The following ANKH variants were observed in gnomAD, a reference collection of about 807,000 sequenced individuals.
ANKH encodes the protein mineralization regulator ANKH.
A neutral mutation model predicts 49.0 loss-of-function variants in ANKH; 15 were observed. The ratio of observed to expected loss-of-function variants is 0.31; its 90% CI spans 0.20 to 0.47. The LOEUF is 0.47. ANKH is among the 20% of genes least tolerant of loss of function. The pLI, the probability that ANKH is intolerant of heterozygous loss-of-function variation, is 1.00. For missense variants in ANKH, 429 were observed against 652.0 expected, an observed-to-expected ratio of 0.66 and a Z score of 3.72; for synonymous variants, 273 against 260.0, an observed-to-expected ratio of 1.05 and a Z score of -0.48.
intron 1 of ANKH, among the ~76,000 whole-genome samples, chr5:14,860,901 G>C (rs957878790): frequency 6.6e-6 from 1 of 152,012 alleles, no homozygotes; most frequent in Non-Finnish European, 1.5e-5. Flanking sequence ...TCCTGCCTCA[G>C]CCTCCCAAGT....
At chr5:14,734,912 A>G (rs1176679818) in intron 8 of ANKH, among the ~76,000 whole-genome samples, 1 of 152,262 alleles carries the variant, frequency 6.6e-6, no homozygotes, top group East Asian at 1.9e-4. Flanking sequence ...GTGAAGAAAT[A>G]CAAATGAATA....
At chr5:14,806,911 C>T (rs412056) in intron 1 of ANKH, among the ~76,000 whole-genome samples, 73,738 of 152,028 alleles carry the variant, frequency 0.49, 18,182 homozygotes, top group East Asian at 0.76. Flanking sequence ...ATGAATTATC[C>T]ACATTCTGAA....
intron 1 of ANKH, chr5:14,798,444 G>A: frequency 6.7e-7 from 1 of 1,484,500 alleles, no homozygotes; most frequent in Non-Finnish European, 9.1e-7. Context: ...GAGCGTTGTG[G>A]GAGGGGCAGG....
At chr5:14,723,521 C>A (rs867787138) in intron 8 of ANKH, among the ~76,000 whole-genome samples, 5 of 152,022 alleles carry the variant, frequency 3.3e-5, no homozygotes, top group African/African-American at 1.2e-4. Flanking sequence ...TACCCTTAAT[C>A]CCAGCTACTT....
chr5:14,850,880 T>TC (rs539898289), intron 1 of ANKH, among the ~76,000 whole-genome samples: 167 of 152,288 alleles, frequency 1.1e-3, no homozygotes, highest in Middle Eastern at 3.4e-3. Context: ...GTTTTTTTTT[T>TC]TCTCCTGATG....
intron 1 of ANKH, chr5:14,787,984 T>C (rs1740034593): frequency 6.6e-6 from 1 of 152,208 alleles, no homozygotes. Flanking sequence ...CTTCCCTTTT[T>C]TGGACTTCAG....
chr5:14,717,315 G>A (rs777458439), intron 8 of ANKH, among the ~76,000 whole-genome samples: 1 of 152,244 alleles, frequency 6.6e-6, no homozygotes, highest in Non-Finnish European at 1.5e-5. Flanking sequence ...AGTATTTAGA[G>A]TAAGGATCAG....
chr5:14,721,486 T>C (rs531253048), intron 8 of ANKH, among the ~76,000 whole-genome samples: 2 of 152,356 alleles, frequency 1.3e-5, no homozygotes, highest in Non-Finnish European at 2.9e-5. Flanking sequence ...AGTCTCCTTT[T>C]TCTTCCTCCC....
At position 14,707,799 on chromosome 5, in the gene ANKH, C is replaced by G. The variant is rs536142116; in HGVS notation, c.*3398G>C. ...TTCAGTTTCTTAGGGAATCGGCTAT[C>G]CAGGACATTTCCAAGCCAAACTACC... On this transcript the variant is annotated 3_prime_UTR_variant, in exon 12 of 12. Coordinates refer to ENST00000284268, the MANE Select transcript of ANKH (RefSeq NM_054027.6). The G allele has an allele frequency of 2.6e-5, 4 of 152,284 alleles. No individual in the cohort carries two copies. Among genetic ancestry groups the G allele is most frequent in the Non-Finnish European group, 5.9e-5 (4 of 68,016 alleles). 9.4% of individuals were successfully genotyped at this position (152,284 alleles called of 1,614,324 possible).
intron 1 of ANKH, among the ~76,000 whole-genome samples, chr5:14,772,486 A>G (rs984144098): frequency 6.6e-6 from 1 of 152,174 alleles, no homozygotes; most frequent in African/African-American, 2.4e-5. Flanking sequence ...TTCCACTAAT[A>G]ACGGTGAAAA....
At position 14,755,849 on chromosome 5, in the gene ANKH, G is replaced by T; in HGVS notation, c.516+12C>A. 1 of 1,612,822 alleles carries T rather than the reference G, an allele frequency of 6.2e-7. No individual in the cohort carries two copies. The highest frequency in any genetic ancestry group is 1.1e-5 in the South Asian group (1 of 91,038). ...TCTGAGGAGCTCTGATTGACACACAGACCATATTTACCTGAGCTATGACAT... is the reference window on the plus strand; with the variant it reads ...TCTGAGGAGCTCTGATTGACACACATACCATATTTACCTGAGCTATGACAT... On this transcript the variant is annotated intron_variant, in intron 4 of 11. Transcript: ENST00000284268.
At chr5:14,824,149 C>A (rs1741274701) in intron 1 of ANKH, among the ~76,000 whole-genome samples, 1 of 152,052 alleles carries the variant, frequency 6.6e-6, no homozygotes, top group Non-Finnish European at 1.5e-5. Flanking sequence ...CCAGCAGGGC[C>A]ATCCTTCCTT....
At chr5:14,761,652 G>A (rs1462903560) in intron 2 of ANKH, among the ~76,000 whole-genome samples, 4 of 152,070 alleles carry the variant, frequency 2.6e-5, no homozygotes, top group Non-Finnish European at 5.9e-5. Context: ...CTGATGCCAA[G>A]TAGCCATAAA....
intron 1 of ANKH, among the ~76,000 whole-genome samples, chr5:14,808,013 G>T (rs544712180): frequency 6.6e-6 from 1 of 152,300 alleles, no homozygotes; most frequent in South Asian, 2.1e-4. Flanking sequence ...TTATGAAATT[G>T]TTTTGCAAAG....
At chr5:14,794,064 G>A (rs1740294356) in intron 1 of ANKH, among the ~76,000 whole-genome samples, 1 of 152,184 alleles carries the variant, frequency 6.6e-6, no homozygotes, top group Non-Finnish European at 1.5e-5. Flanking sequence ...CTTTACACTG[G>A]TGAGAACCAA....
intron 1 of ANKH, among the ~76,000 whole-genome samples, chr5:14,811,566 A>G (rs1338300108): frequency 6.6e-6 from 1 of 152,228 alleles, no homozygotes; most frequent in Admixed American, 6.5e-5. Flanking sequence ...AGTACAAACA[A>G]CCTTGTGTGA....
At chr5:14,758,303 T>C (rs1205517269) in intron 3 of ANKH, among the ~76,000 whole-genome samples, 177 bp downstream of exon 3, 1 of 152,222 alleles carries the variant, frequency 6.6e-6, no homozygotes, top group Non-Finnish European at 1.5e-5. Context: ...TGAATTAGGA[T>C]AGAATCTCAG....
chr5:14,713,161 G>A lies in ANKH; in HGVS notation c.1266-188C>T, dbSNP rs1350864363. Among the ~76,000 whole-genome samples the A allele has an allele frequency of 6.6e-6, 1 of 152,156 alleles. No individual in the cohort carries two copies. The highest frequency in any genetic ancestry group is 2.4e-5 in the African/African-American group (1 of 41,440). The stretch of plus-strand genomic sequence containing the variant: ...TGAGGGGAACCAGGAACTCGGGGCT[G>A]GGCCACCTCCCTCCCACAGCACATG... On this transcript the variant is annotated intron_variant, in intron 10 of 11. Transcript: ENST00000284268. This position sits in a 1 kb window ranked among gnomAD's most constrained non-coding sequence, Gnocchi z 4.4.
chr5:14,799,836 G>A (rs1229774542), intron 1 of ANKH, among the ~76,000 whole-genome samples: 6 of 152,130 alleles, frequency 3.9e-5, no homozygotes, highest in Admixed American at 1.3e-4. Flanking sequence ...TGCGGTCCAC[G>A]GATCAAGGAG....
Sources: gnomAD v4.1 joint callset for allele counts (sites outside exome capture counted in the v4.1 genomes callset) on GRCh38, gnomAD v4.1.1 for gene constraint, Gnocchi (gnomAD v3.1) non-coding constraint, MANE v1.5 for transcripts, NCBI Gene and HGNC (gene_info 2026-07-23, HGNC 2026-07-21) for gene names.